Variants in CSF1R observed in about 807,000 individuals in gnomAD.
CSF1R encodes colony stimulating factor 1 receptor, also known as macrophage colony-stimulating factor 1 receptor.
Under a neutral mutation model 110.0 loss-of-function variants are expected in CSF1R, and 40 were observed. That is an observed-to-expected ratio of 0.36 (90% CI 0.28 to 0.47). The LOEUF is 0.47. Ranked by LOEUF, CSF1R falls within the 20% of genes least tolerant of loss-of-function variation. CSF1R has a pLI of 0.99. For missense variants in CSF1R, 1,052 were observed against 1,253.0 expected, an observed-to-expected ratio of 0.84 and a Z score of 2.42; for synonymous variants, 523 against 503.4, an observed-to-expected ratio of 1.04 and a Z score of -0.52.
chr5:150,078,260 G>T lies in CSF1R; in HGVS notation c.593-12C>A. On this transcript the variant is annotated splice_polypyrimidine_tract_variant and intron_variant, in intron 3 of 20. Transcript: ENST00000675795. ...GGGCCCTGGGATGACTGAGACCGGGGGAGAGACCCCTGAACACCCAGGCTC... is the reference window on the plus strand; with the variant it reads ...GGGCCCTGGGATGACTGAGACCGGGTGAGAGACCCCTGAACACCCAGGCTC... 6.2e-7 allele frequency: 1 copy of T among 1,613,898 alleles called. No individual in the cohort carries two copies. Among genetic ancestry groups the T allele is most frequent in the East Asian group, 2.2e-5 (1 of 44,876 alleles).
At chr5:150,057,847 C>T (rs1757323790) in intron 14 of CSF1R, among the ~76,000 whole-genome samples, 1 of 152,206 alleles carries the variant, frequency 6.6e-6, no homozygotes, top group South Asian at 2.1e-4. Context: ...CAATCTACCC[C>T]TGAGATTTTC....
At chr5:150,084,363 GA>G (rs1233911591) in intron 1 of CSF1R, among the ~76,000 whole-genome samples, 1 of 52,346 alleles carries the variant, frequency 1.9e-5, no homozygotes, top group African/African-American at 1.1e-4. Flanking sequence ...AAGAAAGAAA[GA>G]AAGAAAGAAA....
At chr5:150,077,169 T>G in intron 5 of CSF1R, 107 bp downstream of exon 5, 1 of 1,422,130 alleles carries the variant, frequency 7.0e-7, no homozygotes, top group Non-Finnish European at 9.9e-7. Flanking sequence ...CCAGCAGAGA[T>G]ATCCTCAGCA....
chr5:150,082,879 G>A (rs778075380), intron 1 of CSF1R, among the ~76,000 whole-genome samples: 21 of 152,238 alleles, frequency 1.4e-4, no homozygotes, highest in South Asian at 4.2e-4. Flanking sequence ...AACTCTGATC[G>A]CTCAAGATTT....
In CSF1R at chr5:150,059,737, A is replaced by T. The variant is rs2113787339; in HGVS notation, c.2095T>A (p.Tyr699Asn). The change falls in exon 14 of 21, where the codon TAT (tyrosine) becomes AAT (asparagine). Residue 699 changes from tyrosine (Y) to asparagine (N), a missense_variant. Transcript: ENST00000675795. ...PGQDPEGGVD[Y>N]KNIHLEKKYV... ...TTCTTCTCGAGGTGGATGTTCTTATAGTCGACGCCTCCCTCGGGGTCCTGG... is the reference window on the plus strand; with the variant it reads ...TTCTTCTCGAGGTGGATGTTCTTATTGTCGACGCCTCCCTCGGGGTCCTGG... 6.2e-7 allele frequency: 1 copy of T among 1,614,172 alleles called. No individual in the cohort carries two copies. The highest frequency in any genetic ancestry group is 8.5e-7 in the Non-Finnish European group (1 of 1,180,010).
intron 19 of CSF1R, 160 bp from the exon 20 acceptor site, chr5:150,054,590 A>C: frequency 1.7e-6 from 1 of 601,244 alleles, no homozygotes; most frequent in Non-Finnish European, 2.9e-6. Context: ...TTTACCATTT[A>C]ATCCTCACAG....
At position 150,061,478 on chromosome 5, in the gene CSF1R, T is replaced by G; in HGVS notation, c.1858+13A>C. On this transcript the variant is annotated intron_variant, in intron 12 of 20. Transcript: ENST00000675795. ...ACCCCCCATCCCTTCCCTCATCCCC[T>G]CCCCTCACTCACACTTCAGCATCTT... 1 of 410,050 alleles carries G rather than the reference T, an allele frequency of 2.4e-6. No individual in the cohort carries two copies. The highest frequency in any genetic ancestry group is 3.6e-6 in the Non-Finnish European group (1 of 274,832). The allele number at this position is 410,050 out of a possible 1,614,324, so 25.4% of individuals were successfully genotyped here. A position where few individuals can be genotyped will look rare whatever the true frequency, so the allele number is the denominator to read the frequency against.
intron 1 of CSF1R, among the ~76,000 whole-genome samples, chr5:150,097,644 A>G (rs1044240716): frequency 6.6e-6 from 1 of 152,210 alleles, no homozygotes. Context: ...TTTTACAAAT[A>G]CTATTTACAA....
intron 10 of CSF1R, among the ~76,000 whole-genome samples, chr5:150,065,432 T>C (rs1757719783): frequency 6.6e-6 from 1 of 152,178 alleles, no homozygotes; most frequent in African/African-American, 2.4e-5. Flanking sequence ...ACTCCTGCCC[T>C]TTTCTCTTCC....
intron 13 of CSF1R, 121 bp downstream of exon 13, chr5:150,060,741 T>G: frequency 3.2e-6 from 2 of 621,162 alleles, no homozygotes; most frequent in Admixed American, 2.9e-5. Context: ...GTGACCGGGA[T>G]CCCCCTGACA....
intron 1 of CSF1R, among the ~76,000 whole-genome samples, chr5:150,099,664 C>T (rs1174946362): frequency 6.8e-6 from 1 of 146,160 alleles, no homozygotes; most frequent in South Asian, 2.2e-4. Context: ...ACTCATATGA[C>T]ACTCTTGTAA....
chr5:150,084,580 G>C (rs1758748132), intron 1 of CSF1R, among the ~76,000 whole-genome samples: 1 of 151,576 alleles, frequency 6.6e-6, no homozygotes, highest in Non-Finnish European at 1.5e-5. Context: ...AGCCTCCTGA[G>C]TAGCTGGAAC....
At chr5:150,112,444 T>C (rs6579773) in intron 1 of CSF1R, among the ~76,000 whole-genome samples, 16,417 of 152,200 alleles carry the variant, frequency 0.11, 1,349 homozygotes, top group East Asian at 0.29. Context: ...GCTCCATTTA[T>C]CCCTGGGGAA....
chr5:150,087,682 G>T (rs1342599643), upstream of CSF1R, among the ~76,000 whole-genome samples: 1 of 151,548 alleles, frequency 6.6e-6, no homozygotes, highest in Non-Finnish European at 1.5e-5. Context: ...TAGTTGATTC[G>T]CTTAGTATTT....
At chr5:150,108,846 C>T (rs1202874731) in intron 1 of CSF1R, among the ~76,000 whole-genome samples, 2 of 152,054 alleles carry the variant, frequency 1.3e-5, no homozygotes, top group Non-Finnish European at 2.9e-5. Context: ...AGAGGGCAGA[C>T]CTGTATGCCA....
chr5:150,102,307 T>C (rs1759427258), intron 1 of CSF1R, among the ~76,000 whole-genome samples: 1 of 152,216 alleles, frequency 6.6e-6, no homozygotes, highest in Admixed American at 6.5e-5. Context: ...ATATCACTGA[T>C]CTTTAAAATT....
chr5:150,085,973 G>C (rs377146985), intron 1 of CSF1R, among the ~76,000 whole-genome samples: 1 of 152,194 alleles, frequency 6.6e-6, no homozygotes, highest in Admixed American at 6.5e-5. Context: ...GACCGACTGA[G>C]TCTGAATCTG....
intron 3 of CSF1R, 130 bp downstream of exon 3, chr5:150,079,922 G>T: frequency 8.9e-7 from 1 of 1,127,374 alleles, no homozygotes; most frequent in Non-Finnish European, 1.3e-6. Flanking sequence ...ACCATTGAGG[G>T]GAAGAAGTGA....
chr5:150,076,968 A>G (rs1419735949), intron 5 of CSF1R: 6 of 418,436 alleles, frequency 1.4e-5, no homozygotes, highest in Non-Finnish European at 2.2e-5. Context: ...GGAATGCATG[A>G]AAGAATGAAC....
Sources: allele counts gnomAD v4.1 joint callset (sites outside exome capture counted in the v4.1 genomes callset), GRCh38; gene constraint gnomAD v4.1.1; transcripts MANE v1.5; gene names NCBI Gene and HGNC (gene_info 2026-07-23, HGNC 2026-07-21).